The following CNTNAP2 variants were observed in gnomAD, a reference collection of about 807,000 sequenced individuals.
CNTNAP2 encodes the protein contactin-associated protein-like 2.
In CNTNAP2, 98 loss-of-function variants were observed where a neutral mutation model predicts 155.2. The ratio of observed to expected loss-of-function variants is 0.63; its 90% CI spans 0.54 to 0.75. CNTNAP2 has a LOEUF of 0.75. Ranked by LOEUF, CNTNAP2 falls within the 30% of genes least tolerant of loss-of-function variation. The pLI, the probability that CNTNAP2 is intolerant of heterozygous loss-of-function variation, is 0.00. For synonymous variants in CNTNAP2, 651 were observed against 631.2 expected (o/e 1.03, Z -0.47); for missense variants, 1,727 against 1,688.1 (o/e 1.02, Z -0.40).
intron 8 of CNTNAP2, among the ~76,000 whole-genome samples, chr7:147,136,725 T>C (rs1161582679): frequency 1.3e-5 from 2 of 152,022 alleles, no homozygotes; most frequent in African/African-American, 2.4e-5. Flanking sequence ...AAAATTAATT[T>C]ATACCGTTTT....
chr7:147,396,077 CAT>C (rs1203170966), intron 10 of CNTNAP2, among the ~76,000 whole-genome samples: 1 of 145,574 alleles, frequency 6.9e-6, no homozygotes, highest in African/African-American at 2.5e-5. Flanking sequence ...AACATATATA[CAT>C]ATATATGTAG....
At chr7:146,163,812 A>G (rs1483663712) in intron 1 of CNTNAP2, among the ~76,000 whole-genome samples, 3 of 152,086 alleles carry the variant, frequency 2.0e-5, no homozygotes, top group African/African-American at 7.2e-5. Context: ...AGATCATTCA[A>G]GATTTACACA....
At chr7:147,136,732 T>A (rs1356475849) in intron 8 of CNTNAP2, among the ~76,000 whole-genome samples, 1 of 151,974 alleles carries the variant, frequency 6.6e-6, no homozygotes, top group African/African-American at 2.4e-5. Flanking sequence ...ATTTATACCG[T>A]TTTCCAAAGT....
At chr7:148,078,884 T>G (rs1803545972) in intron 15 of CNTNAP2, among the ~76,000 whole-genome samples, 2 of 152,268 alleles carry the variant, frequency 1.3e-5, no homozygotes, top group Non-Finnish European at 2.9e-5. Flanking sequence ...AAAACATGTT[T>G]ACTTTCTCTC....
rs145913541 is a variant in CNTNAP2, at chr7:148,242,818, G to A, written c.3381+13039G>A. ...GATTCTGTGCACATTCAATGAGCTTGGCTATTTGAAAGTGCACAAATTCTT... is the reference window on the plus strand; with the variant it reads ...GATTCTGTGCACATTCAATGAGCTTAGCTATTTGAAAGTGCACAAATTCTT... On this transcript the variant is annotated intron_variant, in intron 20 of 23. Transcript: ENST00000361727. Among the ~76,000 whole-genome samples the A allele has an allele frequency of 5.2e-4, 79 of 152,278 alleles. No individual in the cohort carries two copies. In the East Asian group the frequency reaches 0.014, roughly 27 times the overall value.
At position 147,265,931 on chromosome 7, in the gene CNTNAP2, G is replaced by A. The variant is rs370939944; in HGVS notation, c.1349-34210G>A. Among the ~76,000 whole-genome samples the A allele has an allele frequency of 8.5e-3, 1,292 of 152,130 alleles. 9 individuals are homozygous for A. Among genetic ancestry groups the A allele is most frequent in the Non-Finnish European group, 0.014 (925 of 67,984 alleles). On this transcript the variant is annotated intron_variant, in intron 8 of 23. Transcript: ENST00000361727. The stretch of plus-strand genomic sequence containing the variant: ...CAGAGGAGGGACCTGACTATTGAAA[G>A]AAAAACAAAACAACAGCATCAACAA...
chr7:146,364,933 G>T, intron 1 of CNTNAP2, among the ~76,000 whole-genome samples: 1 of 151,890 alleles, frequency 6.6e-6, no homozygotes, highest in East Asian at 1.9e-4. Flanking sequence ...TCTTCCCAAT[G>T]TAATCGTTTT....
intron 15 of CNTNAP2, among the ~76,000 whole-genome samples, chr7:148,012,182 T>G (rs1248635415): frequency 1.3e-5 from 2 of 152,224 alleles, no homozygotes; most frequent in Non-Finnish European, 2.9e-5. Flanking sequence ...TCTCCCAAAG[T>G]GTCGGGATTA....
intron 3 of CNTNAP2, among the ~76,000 whole-genome samples, chr7:146,910,959 G>C (rs1315965844): frequency 1.3e-5 from 2 of 150,930 alleles, no homozygotes; most frequent in East Asian, 3.9e-4. Flanking sequence ...AAATTTACAA[G>C]AAAAAAACAA....
At chr7:147,143,963 A>C (rs1204290233) in intron 8 of CNTNAP2, among the ~76,000 whole-genome samples, 1 of 152,192 alleles carries the variant, frequency 6.6e-6, no homozygotes, top group Non-Finnish European at 1.5e-5. Flanking sequence ...GTGCATGATT[A>C]AAACTAATTT....
At chr7:147,423,175 C>T (rs1282328629) in intron 10 of CNTNAP2, among the ~76,000 whole-genome samples, 1 of 152,142 alleles carries the variant, frequency 6.6e-6, no homozygotes, top group Non-Finnish European at 1.5e-5. Context: ...AAATAAAAGG[C>T]ACATTCTGTC....
chr7:146,755,235 G>A (rs2129183112), intron 1 of CNTNAP2, among the ~76,000 whole-genome samples: 1 of 151,956 alleles, frequency 6.6e-6, no homozygotes, highest in Admixed American at 6.6e-5. Context: ...TACTTTGCTG[G>A]GCATAAAAAC....
chr7:147,108,446 A>G, intron 5 of CNTNAP2, 96 bp downstream of exon 5: 1 of 1,063,418 alleles, frequency 9.4e-7, no homozygotes, highest in Non-Finnish European at 1.3e-6. Flanking sequence ...AAATTATAAA[A>G]AGAGCTCATG....
At chr7:146,657,605 T>C (rs1159609940) in intron 1 of CNTNAP2, among the ~76,000 whole-genome samples, 1 of 152,186 alleles carries the variant, frequency 6.6e-6, no homozygotes, top group Non-Finnish European at 1.5e-5. Context: ...TCTTAGATTT[T>C]GACCCTCTTA....
At chr7:147,101,322 G>A (rs1177173631) in intron 4 of CNTNAP2, among the ~76,000 whole-genome samples, 9 of 152,258 alleles carry the variant, frequency 5.9e-5, no homozygotes, top group Admixed American at 1.3e-4. Flanking sequence ...ACCCCTTCAC[G>A]GGACTTGCAA....
chr7:147,981,134 CA>C (rs1191124007), intron 15 of CNTNAP2, among the ~76,000 whole-genome samples: 2 of 152,148 alleles, frequency 1.3e-5, no homozygotes, highest in Non-Finnish European at 2.9e-5. Context: ...GGCATTTACA[CA>C]GCAAATTTCT....
At chr7:147,381,523 T>G (rs1015732408) in intron 9 of CNTNAP2, among the ~76,000 whole-genome samples, 1 of 152,180 alleles carries the variant, frequency 6.6e-6, no homozygotes, top group Non-Finnish European at 1.5e-5. Flanking sequence ...ATATTTGCAT[T>G]TTCTCTATTT....
intron 10 of CNTNAP2, among the ~76,000 whole-genome samples, chr7:147,396,634 C>T (rs1184510551): frequency 2.0e-5 from 3 of 152,012 alleles, no homozygotes; most frequent in African/African-American, 7.2e-5. Context: ...ACTGCATACA[C>T]TACCTTAATA....
rs548849902 is a variant in CNTNAP2, at chr7:146,594,775, C to T, written c.98-179496C>T. ...TAAATGAAGAGAAGATATGTCATGC[C>T]TCACAGGCAATCATATACTGATAAA... On this transcript the variant is annotated intron_variant, in intron 1 of 23. Coordinates refer to ENST00000361727, the MANE Select transcript of CNTNAP2 (RefSeq NM_014141.6). 5.3e-5 allele frequency among the ~76,000 whole-genome samples: 8 copies of T among 152,152 alleles called. No homozygotes were observed. The East Asian group carries it at 1.5e-3, about 29-fold the overall frequency.
Sources: gnomAD v4.1 joint callset for allele counts (sites outside exome capture counted in the v4.1 genomes callset) on GRCh38, gnomAD v4.1.1 for gene constraint, MANE v1.5 for transcripts, NCBI Gene and HGNC (gene_info 2026-07-23, HGNC 2026-07-21) for gene names.